The following KIRREL1 variants were observed in gnomAD, a reference collection of about 807,000 sequenced individuals.
KIRREL1 encodes the protein kirre like nephrin family adhesion molecule 1.
In KIRREL1, 25 loss-of-function variants were observed where a neutral mutation model predicts 83.3. The ratio of observed to expected loss-of-function variants is 0.30; its 90% CI spans 0.22 to 0.42. KIRREL1 has a LOEUF of 0.42. Ranked by LOEUF, KIRREL1 falls within the 10% of genes least tolerant of loss-of-function variation. The probability of loss-of-function intolerance (pLI) is 1.00; values close to 1 mark genes in which losing one functional copy is unlikely to be tolerated. For synonymous variants in KIRREL1, 388 were observed against 410.4 expected, an observed-to-expected ratio of 0.95 and a Z score of 0.66; for missense variants, 812 against 1,032.3, an observed-to-expected ratio of 0.79 and a Z score of 2.92.
chr1:158,055,626 G>A (rs1255783786), intron 1 of KIRREL1, among the ~76,000 whole-genome samples: 3 of 152,220 alleles, frequency 2.0e-5, no homozygotes. Flanking sequence ...ATCTCGTGGT[G>A]TTGAAAGTCA....
chr1:158,091,304 T>G, intron 10 of KIRREL1, 54 bp from the exon 11 acceptor site: 1 of 1,525,768 alleles, frequency 6.6e-7, no homozygotes, highest in Non-Finnish European at 9.0e-7. Context: ...CACGTGGGCA[T>G]GGGCTTCTGC....
chr1:158,037,937 C>T lies in KIRREL1; in HGVS notation c.53-38176C>T, dbSNP rs868082475. 9.2e-5 allele frequency among the ~76,000 whole-genome samples: 14 copies of T among 152,310 alleles called. 1 individual carries two copies. The highest frequency in any genetic ancestry group is 7.8e-4 in the Admixed American group (12 of 15,310). The stretch of plus-strand genomic sequence containing the variant: ...GGGTGCCTGGCTGATGGACTTCCTG[C>T]GACTCATAACTATTTCCTCACCAGG... On this transcript the variant is annotated intron_variant, in intron 1 of 14. Transcript: ENST00000359209.
chr1:158,071,090 C>T (rs928049379), intron 1 of KIRREL1, among the ~76,000 whole-genome samples: 14 of 152,160 alleles, frequency 9.2e-5, no homozygotes, highest in Non-Finnish European at 2.1e-4. Context: ...GCCTTCCTTC[C>T]CCCCTGCTTT....
intron 1 of KIRREL1, among the ~76,000 whole-genome samples, chr1:158,011,764 G>A (rs1398911279): frequency 3.9e-5 from 6 of 152,166 alleles, no homozygotes; most frequent in African/African-American, 1.4e-4. Flanking sequence ...TGGGAGGACC[G>A]GAGGGCAGCA....
chr1:158,040,010 G>T (rs10796988), intron 1 of KIRREL1, among the ~76,000 whole-genome samples: 33 of 152,166 alleles, frequency 2.2e-4, no homozygotes, highest in Admixed American at 2.2e-3. Context: ...GGAGAGGAGA[G>T]AGTTGATGCA....
chr1:158,016,407 C>T (rs1659827133), intron 1 of KIRREL1, among the ~76,000 whole-genome samples: 1 of 152,014 alleles, frequency 6.6e-6, no homozygotes. Flanking sequence ...AAATATGGAC[C>T]AGAGACTGCA....
At chr1:157,995,556 G>A (rs1241124054) in intron 1 of KIRREL1, among the ~76,000 whole-genome samples, 1 of 152,200 alleles carries the variant, frequency 6.6e-6, no homozygotes, top group Non-Finnish European at 1.5e-5. Context: ...TTGGGGGCAA[G>A]CTTATGTCTG....
rs890177449 is a variant in KIRREL1 at position 158,097,972 on chromosome 1, C to A, written c.*2852C>A. On this transcript the variant is annotated 3_prime_UTR_variant, in exon 15 of 15. Coordinates refer to ENST00000359209, the MANE Select transcript of KIRREL1 (RefSeq NM_018240.7). ...CTAAAACTATTCTGGTTTTGTTATA[C>A]CCATAGGGTTGGGGGTAGGGATGGG... 7.2e-5 allele frequency: 11 copies of A among 152,044 alleles called. No individual in the cohort carries two copies. Among genetic ancestry groups the A allele is most frequent in the African/African-American group, 2.2e-4 (9 of 41,390 alleles). 9.4% of individuals were successfully genotyped at this position (152,044 alleles called of 1,614,324 possible).
At chr1:158,014,839 C>A (rs1340114227) in intron 1 of KIRREL1, among the ~76,000 whole-genome samples, 1 of 152,114 alleles carries the variant, frequency 6.6e-6, no homozygotes, top group Non-Finnish European at 1.5e-5. Context: ...CCCTCTAGAT[C>A]TCTGAATTGC....
At chr1:158,070,299 A>T (rs983564733) in intron 1 of KIRREL1, among the ~76,000 whole-genome samples, 7 of 152,210 alleles carry the variant, frequency 4.6e-5, no homozygotes, top group Non-Finnish European at 1.0e-4. Flanking sequence ...ACCTGAGTTC[A>T]CATCCCATCT....
Position 158,091,477 on chromosome 1 carries a change from C to T in KIRREL1, c.1392C>T (p.Ala464=), listed in dbSNP as rs771232423. Residue 464 remains alanine (A), a synonymous_variant, in exon 11 of 15, where the codon GCC becomes GCT. Transcript: ENST00000359209. ...STLTINNVME[A]DFQTHYNCTA... ...TCACCATCAACAATGTCATGGAGGC[C>T]GACTTTCAGACTCACTACAACTGCA... 15 of 1,614,084 alleles carry T rather than the reference C, an allele frequency of 9.3e-6. No individual in the cohort carries two copies. The highest frequency in any genetic ancestry group is 5.0e-5 in the Admixed American group (3 of 60,008).
chr1:158,010,361 A>ACACAC (rs1491267940), intron 1 of KIRREL1, among the ~76,000 whole-genome samples: 5 of 51,560 alleles, frequency 9.7e-5, no homozygotes, highest in African/African-American at 2.4e-4. Context: ...ACACACACAC[A>ACACAC]CCCCACACAG....
intron 8 of KIRREL1, 160 bp from the exon 9 acceptor site, chr1:158,089,342 C>A: frequency 2.8e-6 from 3 of 1,090,582 alleles, no homozygotes; most frequent in South Asian, 1.5e-5. Context: ...TGTGTAGAGT[C>A]AGAGCATGGA....
intron 3 of KIRREL1, among the ~76,000 whole-genome samples, chr1:158,083,747 C>T (rs1661936357): frequency 6.6e-6 from 1 of 152,192 alleles, no homozygotes; most frequent in African/African-American, 2.4e-5. Flanking sequence ...ACTCCCAAGA[C>T]TATGAGCTGT....
chr1:158,057,479 A>G (rs1661097358), intron 1 of KIRREL1, among the ~76,000 whole-genome samples: 1 of 152,122 alleles, frequency 6.6e-6, no homozygotes, highest in African/African-American at 2.4e-5. Context: ...CAGACATAGA[A>G]TATTCCTCTC....
chr1:158,050,544 G>A lies in KIRREL1; in HGVS notation c.53-25569G>A, dbSNP rs368826318. On this transcript the variant is annotated intron_variant, in intron 1 of 14. Transcript: ENST00000359209. ...ACCCCTTGCAGAACTGTGGGATGGG[G>A]GAATTAGAATGTGCCCATTAAAGCC... is the stretch of plus-strand genomic sequence containing the variant. 5.3e-4 allele frequency among the ~76,000 whole-genome samples: 81 copies of A among 152,196 alleles called. 2 individuals carry two copies. In the South Asian group the frequency reaches 0.016, roughly 30 times the overall value.
At position 158,098,086 on chromosome 1, in the gene KIRREL1, A is replaced by C. The variant is rs760010451; in HGVS notation, c.*2966A>C. 2.0e-5 allele frequency: 3 copies of C among 152,196 alleles called. No individual in the cohort carries two copies. Among genetic ancestry groups the C allele is most frequent in the Non-Finnish European group, 1.5e-5 (1 of 68,078 alleles). The allele number at this position is 152,196 out of a possible 1,614,324, so 9.4% of individuals were successfully genotyped here. On this transcript the variant is annotated 3_prime_UTR_variant, in exon 15 of 15. Transcript: ENST00000359209. Reference sequence around the variant, plus strand: ...TGGGGGGGTTCTCTCCTGTTCAAAGAAGCTTTCACCATGGGCTTCATTATC... The same window carrying C: ...TGGGGGGGTTCTCTCCTGTTCAAAGCAGCTTTCACCATGGGCTTCATTATC...
At chr1:158,057,390 T>C (rs1386916124) in intron 1 of KIRREL1, among the ~76,000 whole-genome samples, 1 of 152,202 alleles carries the variant, frequency 6.6e-6, no homozygotes, top group Non-Finnish European at 1.5e-5. Context: ...CTGGAATCTT[T>C]CTCAGTCCTC....
At chr1:158,070,386 A>G (rs1180939989) in intron 1 of KIRREL1, among the ~76,000 whole-genome samples, 1 of 152,184 alleles carries the variant, frequency 6.6e-6, no homozygotes, top group Non-Finnish European at 1.5e-5. Flanking sequence ...ATAATAGTGG[A>G]TTATTATGCA....
Sources: gnomAD v4.1 joint callset for allele counts (sites outside exome capture counted in the v4.1 genomes callset) on GRCh38, gnomAD v4.1.1 for gene constraint, MANE v1.5 for transcripts, NCBI Gene and HGNC (gene_info 2026-07-23, HGNC 2026-07-21) for gene names.